Variants in RILPL1 observed in about 807,000 individuals in gnomAD.
RILPL1 encodes the protein Rab interacting lysosomal protein like 1.
In RILPL1, 33 loss-of-function variants were observed where a neutral mutation model predicts 50.3. That is an observed-to-expected ratio of 0.66 (90% CI 0.50 to 0.88). The LOEUF (loss-of-function observed/expected upper bound fraction) is 0.88, where lower values mean the gene tolerates loss of function less well. RILPL1 is among the 40% of genes least tolerant of loss of function. The pLI, the probability that RILPL1 is intolerant of heterozygous loss-of-function variation, is 0.00. For synonymous variants in RILPL1, 205 were observed against 228.6 expected (o/e 0.90, Z 0.93); for missense variants, 418 against 542.5 (o/e 0.77, Z 2.28).
In RILPL1 at chr12:123,533,198, G is replaced by A. The variant is rs745473964; in HGVS notation, c.285C>T (p.Ile95=). The change falls in exon 1 of 7, where the codon ATC becomes ATT. Residue 95 remains isoleucine, a synonymous_variant. Transcript: ENST00000376874. The surrounding 1 kb of genome is among the most constrained non-coding windows in gnomAD (Gnocchi z 6.2). The stretch of plus-strand genomic sequence containing the variant: ...CCTTCTGGTGCTTGCGCTCCTTCTC[G>A]ATGCGGTCCATCCTCTCCAGGCGCA... ...DRLRLERMDR[I]EKERKHQKEL... is the part of the protein sequence containing the mutation. The A allele has an allele frequency of 7.6e-6, 12 of 1,573,086 alleles. No individual in the cohort carries two copies. In the African/African-American group the frequency reaches 9.4e-5, roughly 12 times the overall value.
chr12:123,525,525 C>T (rs573392184), intron 1 of RILPL1, among the ~76,000 whole-genome samples: 2 of 150,616 alleles, frequency 1.3e-5, no homozygotes, highest in African/African-American at 2.4e-5. Flanking sequence ...TATGGTGAAA[C>T]CCTGTCTCTA....
intron 1 of RILPL1, among the ~76,000 whole-genome samples, chr12:123,532,064 T>C (rs1007581069): frequency 6.6e-6 from 1 of 152,186 alleles, no homozygotes; most frequent in Non-Finnish European, 1.5e-5. Context: ...AGACCCAGCT[T>C]TGGCTATTTT....
chr12:123,484,149 C>T (rs747243819), intron 6 of RILPL1, 31 bp downstream of exon 6: 12 of 1,485,116 alleles, frequency 8.1e-6, no homozygotes, highest in East Asian at 2.3e-5. Flanking sequence ...CCAGGTCAGC[C>T]GAGCGCAGAA....
At chr12:123,479,008 C>T (rs966124014) in intron 6 of RILPL1, among the ~76,000 whole-genome samples, 3 of 152,102 alleles carry the variant, frequency 2.0e-5, no homozygotes, top group Non-Finnish European at 2.9e-5. Context: ...TTCCCTTGTC[C>T]GGTTCAGTCT....
rs1205015240 is a variant in RILPL1, at chr12:123,485,872, G to A, written c.802-67C>T. On this transcript the variant is annotated intron_variant, in intron 4 of 6. Transcript: ENST00000376874. This position sits in a 1 kb window ranked among gnomAD's most constrained non-coding sequence, Gnocchi z 4.0. ...ACTGCCAGCACCCACTCTCTATCCT[G>A]AAGGAGCCCAAATTCTCCCCCTCCC... is the stretch of plus-strand genomic sequence containing the variant. The A allele has an allele frequency of 6.8e-7, 1 of 1,477,856 alleles. No individual in the cohort carries two copies. The highest frequency in any genetic ancestry group is 9.0e-7 in the Non-Finnish European group (1 of 1,113,012). The allele number at this position is 1,477,856 out of a possible 1,614,324, so 91.5% of individuals were successfully genotyped here. A position where few individuals can be genotyped will look rare whatever the true frequency, so the allele number is the denominator to read the frequency against.
At position 123,523,949 on chromosome 12, in the gene RILPL1, C is replaced by T. The variant is rs1885159712; in HGVS notation, c.310-304G>A. Reference sequence around the variant, plus strand: ...CTCTCTTCAGAGTAGACAGAGCAGCCCCAGGATACGGGGGTCCGAACGTTC... The same window carrying T: ...CTCTCTTCAGAGTAGACAGAGCAGCTCCAGGATACGGGGGTCCGAACGTTC... On this transcript the variant is annotated intron_variant, in intron 1 of 6. Coordinates refer to ENST00000376874, the MANE Select transcript of RILPL1 (RefSeq NM_178314.5). 2.6e-5 allele frequency among the ~76,000 whole-genome samples: 4 copies of T among 152,334 alleles called. No homozygotes were observed. In the South Asian group the frequency reaches 8.3e-4, roughly 32 times the overall value.
At chr12:123,490,273 G>C (rs1470056449) in intron 4 of RILPL1, among the ~76,000 whole-genome samples, 3 of 152,060 alleles carry the variant, frequency 2.0e-5, no homozygotes, top group Non-Finnish European at 2.9e-5. Flanking sequence ...CCCACCTCTC[G>C]AGAGGCCTCT....
rs536743727 is a variant in RILPL1, at chr12:123,480,443, G to A, written c.1067+3737C>T. Among the ~76,000 whole-genome samples the A allele has an allele frequency of 5.9e-5, 9 of 152,130 alleles. No individual in the cohort carries two copies. In the South Asian group the frequency reaches 1.9e-3, roughly 32 times the overall value. On this transcript the variant is annotated intron_variant, in intron 6 of 6. Coordinates refer to ENST00000376874, the MANE Select transcript of RILPL1 (RefSeq NM_178314.5). ...TCCCAAAGTGCTGGGATTACAGGTT[G>A]AGCCACCGTGCCCGGCCTGAAAGGC...
At chr12:123,500,447 G>A (rs1277011747) in intron 2 of RILPL1, among the ~76,000 whole-genome samples, 1 of 151,380 alleles carries the variant, frequency 6.6e-6, no homozygotes, top group Non-Finnish European at 1.5e-5. Flanking sequence ...ACCTCGCCTG[G>A]CTAATTTTTG....
In RILPL1 at chr12:123,498,207, TTC is replaced by T. The variant is rs113125813; in HGVS notation, c.801+335_801+336del. 5.3e-5 allele frequency among the ~76,000 whole-genome samples: 8 copies of T among 150,914 alleles called. No individual in the cohort carries two copies. Among genetic ancestry groups the T allele is most frequent in the African/African-American group, 9.7e-5 (4 of 41,058 alleles). On this transcript the variant is annotated intron_variant, in intron 4 of 6. Transcript: ENST00000376874. The surrounding 1 kb of genome is among the most constrained non-coding windows in gnomAD (Gnocchi z 4.3). ...TTGTTCTCTCTGAGCCTCTCGTTTT[TTC>T]TCTCTCTCTCTCTCTCTTTTTTTTT...
Position 123,485,893 on chromosome 12 carries a change from C to A in RILPL1, c.802-88G>T, listed in dbSNP as rs1054891328. ...TCCTGAAGGAGCCCAAATTCTCCCC[C>A]TCCCGGGGTGCCAGCAGCCTGTGGA... On this transcript the variant is annotated intron_variant, in intron 4 of 6. Transcript: ENST00000376874. This position sits in a 1 kb window ranked among gnomAD's most constrained non-coding sequence, Gnocchi z 4.0. 16 of 1,367,646 alleles carry A rather than the reference C, an allele frequency of 1.2e-5. No homozygotes were observed. The highest frequency in any genetic ancestry group is 3.0e-5 in the African/African-American group (2 of 67,060). The allele number at this position is 1,367,646 out of a possible 1,614,324, so 84.7% of individuals were successfully genotyped here.
rs1361098016 is a variant in RILPL1 at position 123,489,614 on chromosome 12, A to T, written c.802-3809T>A. On this transcript the variant is annotated intron_variant, in intron 4 of 6. Coordinates refer to ENST00000376874, the MANE Select transcript of RILPL1 (RefSeq NM_178314.5). The surrounding 1 kb of genome is among the most constrained non-coding windows in gnomAD (Gnocchi z 4.0). ...AGGAGATGGAGGTTACAGTGAGCTG[A>T]CACGGTGCCACTGTACTCCAGCCTG... Among the ~76,000 whole-genome samples, 1 of 152,048 alleles carries T rather than the reference A, an allele frequency of 6.6e-6. No individual in the cohort carries two copies. Among genetic ancestry groups the T allele is most frequent in the Non-Finnish European group, 1.5e-5 (1 of 68,030 alleles).
At chr12:123,481,288 G>A (rs1203381359) in intron 6 of RILPL1, among the ~76,000 whole-genome samples, 1 of 151,782 alleles carries the variant, frequency 6.6e-6, no homozygotes, top group East Asian at 2.0e-4. Flanking sequence ...GAACCCGGGA[G>A]GTGGAGGCTG....
At chr12:123,529,322 C>T (rs1454538413) in intron 1 of RILPL1, among the ~76,000 whole-genome samples, 2 of 152,132 alleles carry the variant, frequency 1.3e-5, no homozygotes, top group African/African-American at 2.4e-5. Flanking sequence ...GACAAAGTCT[C>T]GCTCTGTTGC....
rs569367070 is a variant in RILPL1 at position 123,524,642 on chromosome 12, C to T, written c.310-997G>A. ...ACATATGCTACAACATAGGTGGACC[C>T]TGAAAACATTATGGAAAGAAGCCAG... On this transcript the variant is annotated intron_variant, in intron 1 of 6. Transcript: ENST00000376874. Among the ~76,000 whole-genome samples the T allele has an allele frequency of 5.3e-5, 8 of 152,140 alleles. No individual in the cohort carries two copies. In the South Asian group the frequency reaches 8.3e-4, roughly 16 times the overall value.
intron 6 of RILPL1, chr12:123,476,028 T>TG (rs1881572272): frequency 5.7e-6 from 2 of 352,138 alleles, no homozygotes; most frequent in Non-Finnish European, 1.1e-5. Context: ...CTTAGCCTCC[T>TG]GAGTGGCTAG....
rs1882191151 is a variant in RILPL1 at position 123,484,324 on chromosome 12, C to T, written c.975-52G>A. 3.4e-6 allele frequency: 4 copies of T among 1,180,392 alleles called. No individual in the cohort carries two copies. The Admixed American group carries it at 5.3e-5, about 16-fold the overall frequency. The allele number at this position is 1,180,392 out of a possible 1,614,324, so 73.1% of individuals were successfully genotyped here. On this transcript the variant is annotated intron_variant, in intron 5 of 6. Transcript: ENST00000376874. ...AAAAGAGTCAAAAGTTCCTTGAGAA[C>T]TGGAACATTCCAGAAGAGAAGTGTC...
Position 123,499,480 on chromosome 12 carries a change from G to T in RILPL1, c.517C>A (p.Gln173Lys). The T allele has an allele frequency of 6.2e-7, 1 of 1,613,950 alleles. No homozygotes were observed. The highest frequency in any genetic ancestry group is 8.5e-7 in the Non-Finnish European group (1 of 1,179,886). The change falls in exon 3 of 7, where the codon CAA becomes AAA. Residue 173 changes from glutamine to lysine, a missense_variant. Coordinates refer to ENST00000376874, the MANE Select transcript of RILPL1 (RefSeq NM_178314.5). ...MKKLKEVVDK[Q>K]RDEIRAKDRE... ...TCCTTGGCGCGGATCTCGTCGCGTT[G>T]TTTGTCCACCACCTCCTTCAGCTTC...
At chr12:123,519,189 G>A (rs1197497757) in intron 2 of RILPL1, among the ~76,000 whole-genome samples, 2 of 151,736 alleles carry the variant, frequency 1.3e-5, no homozygotes. Flanking sequence ...TTCAGAAAAT[G>A]ACAACGTGGT....
Sources: gnomAD v4.1 joint callset for allele counts (sites outside exome capture counted in the v4.1 genomes callset) on GRCh38, gnomAD v4.1.1 for gene constraint, Gnocchi (gnomAD v3.1) non-coding constraint, MANE v1.5 for transcripts, NCBI Gene and HGNC (gene_info 2026-07-23, HGNC 2026-07-21) for gene names.